SGCZ: variants seen among roughly 807,000 people sequenced by gnomAD.
The protein encoded by SGCZ is sarcoglycan zeta.
A neutral mutation model predicts 41.3 loss-of-function variants in SGCZ; 40 were observed. The ratio of observed to expected loss-of-function variants is 0.97; its 90% CI spans 0.75 to 1.26. The LOEUF is 1.26. SGCZ is among the 50% of genes most tolerant of loss of function. SGCZ has a pLI of 0.00. For missense variants in SGCZ, 552 were observed against 369.8 expected (o/e 1.49, Z -4.04); for synonymous variants, 206 against 137.5 (o/e 1.50, Z -3.49).
chr8:14,535,535 C>A (rs1390208836), intron 2 of SGCZ, among the ~76,000 whole-genome samples: 1 of 151,862 alleles, frequency 6.6e-6, no homozygotes, highest in Non-Finnish European at 1.5e-5. Context: ...TCATCTACCC[C>A]AAAATACAAC....
At chr8:14,858,456 G>A (rs1041805949) in intron 1 of SGCZ, among the ~76,000 whole-genome samples, 12 of 152,048 alleles carry the variant, frequency 7.9e-5, no homozygotes, top group African/African-American at 2.7e-4. Context: ...GCAGTGTGTT[G>A]TTTTAGTTGA....
chr8:14,342,697 AG>A (rs200312976), intron 2 of SGCZ, among the ~76,000 whole-genome samples: 1,686 of 152,318 alleles, frequency 0.011, 27 homozygotes, highest in African/African-American at 0.037. Context: ...GTCGGGAAGC[AG>A]AGCATAAAGG....
At chr8:14,880,803 T>C (rs920178726) in intron 1 of SGCZ, among the ~76,000 whole-genome samples, 14 of 151,916 alleles carry the variant, frequency 9.2e-5, no homozygotes, top group Non-Finnish European at 1.3e-4. Context: ...GGACCTGTTG[T>C]GGGGTCAGGG....
chr8:14,238,000 C>G (rs958912056), intron 3 of SGCZ, among the ~76,000 whole-genome samples: 4 of 152,190 alleles, frequency 2.6e-5, no homozygotes, highest in Non-Finnish European at 5.9e-5. Flanking sequence ...CCTGCCTGTG[C>G]AGATATTCCA....
intron 5 of SGCZ, among the ~76,000 whole-genome samples, chr8:14,130,022 ATAATCT>A (rs1802990202): frequency 6.6e-6 from 1 of 152,212 alleles, no homozygotes; most frequent in African/African-American, 2.4e-5. Context: ...ATCAGTCAAA[ATAATCT>A]TGAAAAAGGA....
chr8:14,934,981 C>A, intron 1 of SGCZ, among the ~76,000 whole-genome samples: 3 of 143,304 alleles, frequency 2.1e-5, no homozygotes, highest in South Asian at 2.2e-4. Context: ...GTTATTCATC[C>A]ACAATAAACA....
chr8:14,885,681 C>T (rs1392524637), intron 1 of SGCZ, among the ~76,000 whole-genome samples: 6 of 151,912 alleles, frequency 3.9e-5, no homozygotes, highest in Admixed American at 6.6e-5. Context: ...ACAGAAAAGG[C>T]CCAGTAATTG....
intron 3 of SGCZ, among the ~76,000 whole-genome samples, chr8:14,265,030 C>G (rs749482566): frequency 1.3e-5 from 2 of 152,102 alleles, no homozygotes; most frequent in Non-Finnish European, 2.9e-5. Flanking sequence ...CACTAAATTC[C>G]TAATTTTTCA....
chr8:15,235,423 C>G (rs1442735454), intron 1 of SGCZ, among the ~76,000 whole-genome samples: 2 of 152,198 alleles, frequency 1.3e-5, no homozygotes, highest in African/African-American at 4.8e-5. Flanking sequence ...CATAATTTCT[C>G]AACAACCTCA....
chr8:14,906,334 T>C (rs1799120074), intron 1 of SGCZ, among the ~76,000 whole-genome samples: 1 of 152,044 alleles, frequency 6.6e-6, no homozygotes, highest in Non-Finnish European at 1.5e-5. Flanking sequence ...TGAATACTCT[T>C]AAAAAGAGAT....
chr8:14,393,060 T>C (rs975151416), intron 2 of SGCZ, among the ~76,000 whole-genome samples: 1 of 152,174 alleles, frequency 6.6e-6, no homozygotes, highest in Non-Finnish European at 1.5e-5. Context: ...GGGAGCCATA[T>C]GAAAGGCACG....
At chr8:14,129,476 A>G (rs1175858232) in intron 5 of SGCZ, among the ~76,000 whole-genome samples, 3 of 151,846 alleles carry the variant, frequency 2.0e-5, no homozygotes, top group East Asian at 1.9e-4. Context: ...CTCTTAACCA[A>G]TGGGTAATGA....
intron 2 of SGCZ, among the ~76,000 whole-genome samples, chr8:14,382,339 C>G (rs1425587827): frequency 6.6e-6 from 1 of 151,984 alleles, no homozygotes; most frequent in Non-Finnish European, 1.5e-5. Flanking sequence ...AGGCCCAAAG[C>G]CTGTGGGAAT....
intron 1 of SGCZ, among the ~76,000 whole-genome samples, chr8:15,216,561 T>C (rs1008928666): frequency 6.6e-6 from 1 of 152,068 alleles, no homozygotes; most frequent in Non-Finnish European, 1.5e-5. Context: ...ACAAAGACCC[T>C]GTACAAGTTG....
intron 1 of SGCZ, among the ~76,000 whole-genome samples, chr8:14,587,579 T>C (rs986877532): frequency 4.6e-5 from 7 of 152,196 alleles, no homozygotes; most frequent in Non-Finnish European, 8.8e-5. Context: ...GCACATGCTG[T>C]TTTGCTTAGC....
intron 1 of SGCZ, among the ~76,000 whole-genome samples, chr8:14,646,057 T>G (rs1807203991): frequency 6.6e-6 from 1 of 151,932 alleles, no homozygotes; most frequent in Non-Finnish European, 1.5e-5. Flanking sequence ...TTTTTATTTT[T>G]GAATTTTAAC....
intron 1 of SGCZ, among the ~76,000 whole-genome samples, chr8:15,027,063 T>C (rs1303933756): frequency 2.6e-5 from 4 of 152,220 alleles, no homozygotes; most frequent in Non-Finnish European, 5.9e-5. Context: ...AAGTCTCAAC[T>C]GCCTAACACA....
chr8:14,442,338 G>T (rs1402585650), intron 2 of SGCZ, among the ~76,000 whole-genome samples: 1 of 152,132 alleles, frequency 6.6e-6, no homozygotes, highest in Non-Finnish European at 1.5e-5. Context: ...ACACTCTCTT[G>T]CCTGCTGCCA....
chr8:14,895,066 T>A (rs1006796719), intron 1 of SGCZ, among the ~76,000 whole-genome samples: 4 of 152,184 alleles, frequency 2.6e-5, no homozygotes, highest in African/African-American at 9.7e-5. Flanking sequence ...ACATGAATGA[T>A]CTATAATTTT....
Sources: allele counts gnomAD v4.1 joint callset (sites outside exome capture counted in the v4.1 genomes callset), GRCh38; gene constraint gnomAD v4.1.1; transcripts MANE v1.5; gene names NCBI Gene and HGNC (gene_info 2026-07-23, HGNC 2026-07-21).